SYT1: variants seen among roughly 807,000 people sequenced by gnomAD.
The protein encoded by SYT1 is synaptotagmin-1.
SYT1 carries 8 observed loss-of-function variants against 44.8 expected under a neutral mutation model. The ratio of observed to expected loss-of-function variants is 0.18; its 90% CI spans 0.10 to 0.32. The LOEUF is 0.32. Ranked by LOEUF, SYT1 falls within the 10% of genes least tolerant of loss-of-function variation. The pLI, the probability that SYT1 is intolerant of heterozygous loss-of-function variation, is 1.00. For missense variants in SYT1, 286 were observed against 509.3 expected (o/e 0.56, Z 4.22); for synonymous variants, 154 against 188.8 (o/e 0.82, Z 1.51).
At chr12:79,208,974 C>T (rs1874284927) in intron 3 of SYT1, among the ~76,000 whole-genome samples, 1 of 152,268 alleles carries the variant, frequency 6.6e-6, no homozygotes, top group South Asian at 2.1e-4. Flanking sequence ...GTAACTAGAT[C>T]CATTTTGGAA....
chr12:79,435,952 T>C (rs77308460), intron 9 of SYT1, among the ~76,000 whole-genome samples: 2,709 of 152,260 alleles, frequency 0.018, 62 homozygotes, highest in Non-Finnish European at 0.023. Context: ...AGGATATCTA[T>C]GGAAGTTATA....
intron 9 of SYT1, among the ~76,000 whole-genome samples, chr12:79,380,874 A>G (rs1273721498): frequency 2.0e-5 from 3 of 152,156 alleles, no homozygotes; most frequent in Non-Finnish European, 2.9e-5. Flanking sequence ...TCCTTGAGCT[A>G]TGGCAACCCC....
At chr12:79,231,395 T>G (rs1875858631) in intron 4 of SYT1, among the ~76,000 whole-genome samples, 1 of 152,172 alleles carries the variant, frequency 6.6e-6, no homozygotes, top group Non-Finnish European at 1.5e-5. Flanking sequence ...AGCAACACTT[T>G]CATTGACACT....
At chr12:79,414,981 C>T (rs1868643025) in intron 9 of SYT1, among the ~76,000 whole-genome samples, 1 of 152,112 alleles carries the variant, frequency 6.6e-6, no homozygotes, top group African/African-American at 2.4e-5. Context: ...AACACAGGTA[C>T]TTGTATTTTT....
chr12:78,990,510 G>A (rs1283404677), intron 2 of SYT1, among the ~76,000 whole-genome samples: 1 of 152,102 alleles, frequency 6.6e-6, no homozygotes, highest in African/African-American at 2.4e-5. Flanking sequence ...AAGACAATGC[G>A]AGTTGATATC....
At chr12:79,347,879 A>G (rs1202373066) in intron 8 of SYT1, among the ~76,000 whole-genome samples, 1 of 152,146 alleles carries the variant, frequency 6.6e-6, no homozygotes, top group African/African-American at 2.4e-5. Flanking sequence ...ATTGGACTAC[A>G]TTAGATAGAG....
At chr12:79,144,471 T>C (rs1869753122) in intron 3 of SYT1, among the ~76,000 whole-genome samples, 1 of 152,078 alleles carries the variant, frequency 6.6e-6, no homozygotes, top group African/African-American at 2.4e-5. Flanking sequence ...GAAAGAGGCT[T>C]CTGATTTTCT....
At chr12:79,238,611 A>G (rs998175054) in intron 4 of SYT1, among the ~76,000 whole-genome samples, 2 of 152,246 alleles carry the variant, frequency 1.3e-5, no homozygotes, top group Non-Finnish European at 2.9e-5. Context: ...ATGCAGGGCA[A>G]TTGGGTATGT....
intron 9 of SYT1, among the ~76,000 whole-genome samples, chr12:79,431,103 G>A (rs1457833383): frequency 2.6e-5 from 4 of 152,230 alleles, no homozygotes; most frequent in Non-Finnish European, 5.9e-5. Flanking sequence ...TGTCAGCCTG[G>A]CAGAATGCCC....
intron 8 of SYT1, among the ~76,000 whole-genome samples, chr12:79,314,041 C>T (rs1329712661): frequency 1.3e-5 from 2 of 150,400 alleles, no homozygotes; most frequent in Non-Finnish European, 1.5e-5. Flanking sequence ...TGGTAGCGGG[C>T]GCCTGTAGTC....
rs139826302 is a variant in SYT1 at position 79,252,035 on chromosome 12, A to G, written c.167-33752A>G. On this transcript the variant is annotated intron_variant, in intron 4 of 10. Coordinates refer to ENST00000261205, the MANE Select transcript of SYT1 (RefSeq NM_005639.3). The stretch of plus-strand genomic sequence containing the variant: ...AATATATAGACAGATGTGTATCTAT[A>G]TATCTATGGATATTTGAAGAGCAAA... 4.2e-3 allele frequency among the ~76,000 whole-genome samples: 637 copies of G among 152,182 alleles called. 3 individuals are homozygous for G. The highest frequency in any genetic ancestry group is 0.014 in the African/African-American group (597 of 41,536).
intron 9 of SYT1, among the ~76,000 whole-genome samples, chr12:79,436,537 C>T (rs1276713549): frequency 2.6e-5 from 4 of 152,210 alleles, no homozygotes; most frequent in Admixed American, 2.6e-4. Flanking sequence ...CATTATTTGG[C>T]TTTGAACTGC....
rs2138867066 is a variant in SYT1, at chr12:79,296,115, T to TG, written c.527dup (p.Thr177HisfsTer3). On this transcript the variant is annotated frameshift_variant, in exon 7 of 11. Coordinates refer to ENST00000261205, the MANE Select transcript of SYT1 (RefSeq NM_005639.3). LOFTEE classifies it high-confidence loss of function. ...GCTGCCGAACTGCCCGCCTTGGACA[T>TG]GGGGGGCACATCTGATCCTTACGTG... 1 of 1,613,824 alleles carries TG rather than the reference T, an allele frequency of 6.2e-7. No homozygotes were observed. The highest frequency in any genetic ancestry group is 8.5e-7 in the Non-Finnish European group (1 of 1,179,870).
intron 8 of SYT1, among the ~76,000 whole-genome samples, chr12:79,311,635 T>A (rs1880798775): frequency 7.4e-6 from 1 of 135,476 alleles, no homozygotes; most frequent in Non-Finnish European, 1.6e-5. Flanking sequence ...CCAACAATGA[T>A]AGACTGGATT....
chr12:79,272,808 C>T (rs1385894667), intron 4 of SYT1, among the ~76,000 whole-genome samples: 1 of 152,046 alleles, frequency 6.6e-6, no homozygotes, highest in South Asian at 2.1e-4. Context: ...AGAGATGTAG[C>T]AGAACATGCT....
At chr12:79,024,281 C>T (rs899389355) in intron 2 of SYT1, among the ~76,000 whole-genome samples, 2 of 151,622 alleles carry the variant, frequency 1.3e-5, no homozygotes, top group African/African-American at 2.4e-5. Flanking sequence ...AAGGCAAATT[C>T]GAGGATGGGT....
chr12:79,055,254 A>C (rs1874844657), intron 3 of SYT1, among the ~76,000 whole-genome samples: 1 of 151,948 alleles, frequency 6.6e-6, no homozygotes, highest in Admixed American at 6.6e-5. Context: ...ATTGTTTCTA[A>C]AACTTCTTAT....
intron 1 of SYT1, among the ~76,000 whole-genome samples, chr12:78,907,765 T>A (rs187533542): frequency 6.6e-6 from 1 of 152,084 alleles, no homozygotes; most frequent in Admixed American, 6.6e-5. Flanking sequence ...TCAAATGAAA[T>A]AAAAATGTGA....
chr12:79,002,926 C>T (rs1188871322), intron 2 of SYT1, among the ~76,000 whole-genome samples: 3 of 152,012 alleles, frequency 2.0e-5, no homozygotes, highest in Non-Finnish European at 2.9e-5. Flanking sequence ...TTATGCAGCA[C>T]CTTTCTTCCC....
Sources: allele counts gnomAD v4.1 joint callset (sites outside exome capture counted in the v4.1 genomes callset), GRCh38; gene constraint gnomAD v4.1.1; transcripts MANE v1.5; gene names NCBI Gene and HGNC (gene_info 2026-07-23, HGNC 2026-07-21).